Variants in ERC2 observed in about 807,000 individuals in gnomAD.
ERC2 encodes the protein ERC protein 2.
In ERC2, 42 loss-of-function variants were observed where a neutral mutation model predicts 114.8. The observed-to-expected ratio is 0.37, with a 90% confidence interval of 0.29 to 0.47. The LOEUF (loss-of-function observed/expected upper bound fraction) is 0.47. Among genes scored for constraint, ERC2 ranks in the 20% least tolerant of loss-of-function variants. The probability of loss-of-function intolerance (pLI) is 0.99; values close to 1 mark genes in which losing one functional copy is unlikely to be tolerated. For synonymous variants in ERC2, 454 were observed against 425.5 expected (o/e 1.07, Z -0.82); for missense variants, 939 against 1,150.7 (o/e 0.82, Z 2.66).
At chr3:56,095,416 C>T (rs547294874) in intron 6 of ERC2, among the ~76,000 whole-genome samples, 8 of 152,172 alleles carry the variant, frequency 5.3e-5, no homozygotes, top group South Asian at 4.2e-4. Flanking sequence ...AAAAGACAAA[C>T]GGCAAATTGC....
At chr3:55,551,484 C>G (rs1456917622) in intron 17 of ERC2, among the ~76,000 whole-genome samples, 2 of 152,132 alleles carry the variant, frequency 1.3e-5, no homozygotes, top group Non-Finnish European at 2.9e-5. Flanking sequence ...CACGGTGCCA[C>G]TGCACTCCAG....
intron 17 of ERC2, among the ~76,000 whole-genome samples, chr3:55,644,103 A>T (rs1366000886): frequency 6.6e-6 from 1 of 152,174 alleles, no homozygotes; most frequent in Non-Finnish European, 1.5e-5. Context: ...GTGGCCGGCC[A>T]GTCCACCCAA....
In ERC2 at chr3:55,573,210, T is replaced by C. The variant is rs551404040; in HGVS notation, c.*40-61934A>G. Among the ~76,000 whole-genome samples, 3 of 152,102 alleles carry C rather than the reference T, an allele frequency of 2.0e-5. No homozygotes were observed. The South Asian group carries it at 6.2e-4, about 32-fold the overall frequency. On this transcript the variant is annotated intron_variant, in intron 17 of 17. Transcript: ENST00000288221. ...CTTTGGTATGGAACAGACCAAATCT[T>C]ACCTCCAATGTTTATTAGCAAAGTA... is the stretch of plus-strand genomic sequence containing the variant.
At position 56,284,561 on chromosome 3, in the gene ERC2, G is replaced by A. The variant is rs2054553716; in HGVS notation, c.1074+11458C>T. ...GGTGGTGCTAGAAGCAGGGGAGGAG[G>A]AAGAGGCAGTTCATGTAGAGAAATG... On this transcript the variant is annotated intron_variant, in intron 3 of 17. Transcript: ENST00000288221. Among the ~76,000 whole-genome samples, 2 of 152,258 alleles carry A rather than the reference G, an allele frequency of 1.3e-5. 1 individual carries two copies. The highest frequency in any genetic ancestry group is 4.8e-5 in the African/African-American group (2 of 41,554).
chr3:56,018,580 A>G (rs569528680), intron 8 of ERC2, among the ~76,000 whole-genome samples: 2 of 152,292 alleles, frequency 1.3e-5, no homozygotes, highest in African/African-American at 4.8e-5. Context: ...TTGCCAGATC[A>G]GATGGGAGAA....
chr3:55,855,551 T>C (rs562522736), intron 14 of ERC2, among the ~76,000 whole-genome samples: 34 of 152,360 alleles, frequency 2.2e-4, no homozygotes, highest in Middle Eastern at 3.4e-3. Flanking sequence ...TAGGGGGGGA[T>C]GATTTACCAT....
At chr3:55,852,865 C>T (rs909348608) in intron 14 of ERC2, among the ~76,000 whole-genome samples, 2 of 152,160 alleles carry the variant, frequency 1.3e-5, no homozygotes, top group African/African-American at 2.4e-5. Flanking sequence ...TAGTCATTAG[C>T]CCTTTATAGG....
chr3:55,654,524 T>C (rs997598327), intron 17 of ERC2, among the ~76,000 whole-genome samples: 15 of 152,240 alleles, frequency 9.9e-5, no homozygotes, highest in African/African-American at 2.9e-4. Context: ...ATAAAACAAT[T>C]TGAACCACTC....
intron 14 of ERC2, among the ~76,000 whole-genome samples, chr3:55,735,538 T>C (rs1292462318): frequency 2.0e-5 from 3 of 152,174 alleles, no homozygotes; most frequent in Non-Finnish European, 4.4e-5. Flanking sequence ...CAAGAACTAA[T>C]TTACTCCTGA....
intron 7 of ERC2, among the ~76,000 whole-genome samples, chr3:56,033,212 T>A (rs2074590603): frequency 6.6e-6 from 1 of 151,860 alleles, no homozygotes; most frequent in Admixed American, 6.6e-5. Context: ...GACAACAGAG[T>A]GAGACCCCAT....
At chr3:56,181,726 C>A (rs1264636668) in intron 3 of ERC2, among the ~76,000 whole-genome samples, 1 of 152,188 alleles carries the variant, frequency 6.6e-6, no homozygotes, top group Non-Finnish European at 1.5e-5. Flanking sequence ...TGTTTGACTT[C>A]TGAGGCCTAG....
chr3:55,951,373 T>C (rs2067491738), intron 12 of ERC2, among the ~76,000 whole-genome samples: 1 of 152,204 alleles, frequency 6.6e-6, no homozygotes, highest in Non-Finnish European at 1.5e-5. Context: ...CTAATCATAA[T>C]GTTAAATAAA....
chr3:56,226,446 C>CAGG (rs2150163298), intron 3 of ERC2, among the ~76,000 whole-genome samples: 1 of 152,258 alleles, frequency 6.6e-6, no homozygotes, highest in South Asian at 2.1e-4. Flanking sequence ...GGAAGATACT[C>CAGG]AGGAGGCTGA....
intron 17 of ERC2, among the ~76,000 whole-genome samples, chr3:55,555,922 G>A (rs2055574101): frequency 6.6e-6 from 1 of 152,176 alleles, no homozygotes; most frequent in Non-Finnish European, 1.5e-5. Context: ...TAATTCCAAA[G>A]TGACTGTACC....
intron 2 of ERC2, among the ~76,000 whole-genome samples, chr3:56,312,564 C>A (rs957329869): frequency 2.6e-5 from 4 of 152,082 alleles, no homozygotes; most frequent in African/African-American, 9.7e-5. Flanking sequence ...ATGCATGTAA[C>A]AAAATACCAC....
At chr3:56,093,848 A>G (rs1313424100) in intron 6 of ERC2, among the ~76,000 whole-genome samples, 1 of 152,180 alleles carries the variant, frequency 6.6e-6, no homozygotes, top group East Asian at 1.9e-4. Flanking sequence ...CAACTGTGAA[A>G]AATACTACTC....
intron 2 of ERC2, among the ~76,000 whole-genome samples, chr3:56,300,025 C>T (rs771495793): frequency 3.9e-5 from 6 of 152,144 alleles, no homozygotes; most frequent in Admixed American, 1.3e-4. Context: ...TTGCCCTGAT[C>T]CTTTGTCCCC....
At chr3:55,540,107 G>A (rs1046527786) in intron 17 of ERC2, among the ~76,000 whole-genome samples, 1 of 152,046 alleles carries the variant, frequency 6.6e-6, no homozygotes, top group Non-Finnish European at 1.5e-5. Context: ...TAAGGATCCT[G>A]GATCGCTGCA....
intron 5 of ERC2, among the ~76,000 whole-genome samples, chr3:56,142,680 C>T (rs1293806218): frequency 1.3e-5 from 2 of 152,110 alleles, no homozygotes; most frequent in African/African-American, 4.8e-5. Context: ...ATTAAACACA[C>T]TTATTAATAT....
Sources: gnomAD v4.1 joint callset for allele counts (sites outside exome capture counted in the v4.1 genomes callset) on GRCh38, gnomAD v4.1.1 for gene constraint, MANE v1.5 for transcripts, NCBI Gene and HGNC (gene_info 2026-07-23, HGNC 2026-07-21) for gene names.